The following SLC35F1 variants were observed in gnomAD, a reference collection of about 807,000 sequenced individuals.
The protein encoded by SLC35F1 is chromosome 6 open reading frame 169.
SLC35F1 carries 14 observed loss-of-function variants against 48.7 expected under a neutral mutation model. The observed-to-expected ratio is 0.29, with a 90% CI of 0.19 to 0.45. The LOEUF (loss-of-function observed/expected upper bound fraction) is 0.45. Ranked by LOEUF, SLC35F1 falls within the 20% of genes least tolerant of loss-of-function variation. SLC35F1 has a pLI of 1.00. For missense variants in SLC35F1, 404 were observed against 500.0 expected, an observed-to-expected ratio of 0.81 and a Z score of 1.83; for synonymous variants, 190 against 202.2, an observed-to-expected ratio of 0.94 and a Z score of 0.51.
intron 2 of SLC35F1, among the ~76,000 whole-genome samples, chr6:118,158,740 G>A (rs554194478): frequency 6.6e-6 from 1 of 152,272 alleles, no homozygotes; most frequent in African/African-American, 2.4e-5. Flanking sequence ...GAAGCAGCAG[G>A]CTCCACTGTA....
chr6:118,201,617 A>G (rs1774874639), intron 2 of SLC35F1, among the ~76,000 whole-genome samples: 1 of 152,246 alleles, frequency 6.6e-6, no homozygotes, highest in South Asian at 2.1e-4. Flanking sequence ...TAATGTCTTT[A>G]TGGAGATATA....
Position 117,907,793 on chromosome 6 carries a change from G to T in SLC35F1, c.67G>T (p.Val23Leu). The T allele has an allele frequency of 6.4e-7, 1 of 1,559,806 alleles. No individual in the cohort carries two copies. Among genetic ancestry groups the T allele is most frequent in the African/African-American group, 1.4e-5 (1 of 70,882 alleles). ...GTCGCCAGCCCCGCCGAACCATGTG[G>T]TGACCACCATCGAGAACCTGCCGGC... ...PPSPAPPNHV[V>L]TTIENLPAEG... Residue 23 changes from valine to leucine, a missense_variant, in exon 1 of 8, where the codon GTG (valine) becomes TTG (leucine). Transcript: ENST00000360388.
intron 1 of SLC35F1, among the ~76,000 whole-genome samples, chr6:118,004,062 T>C (rs576148898): frequency 2.0e-5 from 3 of 152,318 alleles, no homozygotes; most frequent in South Asian, 4.1e-4. Flanking sequence ...CACTAAGATA[T>C]TGTTATTATT....
chr6:118,112,927 A>G (rs1025060675), intron 1 of SLC35F1, among the ~76,000 whole-genome samples: 17 of 152,264 alleles, frequency 1.1e-4, no homozygotes, highest in African/African-American at 4.1e-4. Flanking sequence ...AAAGATGGAG[A>G]CTGTCAGAAT....
chr6:118,295,512 A>G (rs1428459047), intron 7 of SLC35F1, among the ~76,000 whole-genome samples: 5 of 152,202 alleles, frequency 3.3e-5, no homozygotes, highest in Non-Finnish European at 5.9e-5. Flanking sequence ...TTCATTAGAC[A>G]TGAATCAGAA....
At chr6:118,288,011 G>GTT (rs55797932) in intron 7 of SLC35F1, among the ~76,000 whole-genome samples, 4 of 145,290 alleles carry the variant, frequency 2.8e-5, no homozygotes, top group Non-Finnish European at 4.6e-5. Context: ...AATGATTTGG[G>GTT]TTTTTTTTTT....
chr6:118,078,724 C>A (rs1171693196), intron 1 of SLC35F1, among the ~76,000 whole-genome samples: 3 of 152,162 alleles, frequency 2.0e-5, no homozygotes, highest in African/African-American at 7.2e-5. Context: ...TACTCCTCCA[C>A]ACCAAGATGG....
At chr6:118,130,090 G>C (rs1355552373) in intron 1 of SLC35F1, among the ~76,000 whole-genome samples, 2 of 152,178 alleles carry the variant, frequency 1.3e-5, no homozygotes, top group Non-Finnish European at 2.9e-5. Flanking sequence ...TGGGCAGTTT[G>C]AGATATTTGT....
intron 3 of SLC35F1, among the ~76,000 whole-genome samples, chr6:118,259,420 AG>A (rs1775685144): frequency 6.6e-6 from 1 of 152,058 alleles, no homozygotes; most frequent in Non-Finnish European, 1.5e-5. Flanking sequence ...TATAGGCAGA[AG>A]CTCATATTTA....
At chr6:118,019,851 G>A (rs1777371787) in intron 1 of SLC35F1, among the ~76,000 whole-genome samples, 2 of 152,122 alleles carry the variant, frequency 1.3e-5, no homozygotes, top group Non-Finnish European at 2.9e-5. Context: ...TACCTTTCTA[G>A]TAGTTCTGTG....
intron 1 of SLC35F1, among the ~76,000 whole-genome samples, chr6:118,136,365 CA>C (rs1773795272): frequency 6.6e-6 from 1 of 152,302 alleles, no homozygotes; most frequent in South Asian, 2.1e-4. Flanking sequence ...TGAAACACTT[CA>C]CATAGGCTCA....
At chr6:117,910,725 T>C (rs2760239) in intron 1 of SLC35F1, among the ~76,000 whole-genome samples, 59,602 of 151,988 alleles carry the variant, frequency 0.39, 13,421 homozygotes, top group African/African-American at 0.62. Context: ...AAAGGGGTAA[T>C]GCTGAGACAC....
At chr6:118,104,013 A>G (rs1379979495) in intron 1 of SLC35F1, among the ~76,000 whole-genome samples, 2 of 152,292 alleles carry the variant, frequency 1.3e-5, no homozygotes, top group Admixed American at 1.3e-4. Flanking sequence ...CACAAGAATA[A>G]CCATGTAGCA....
rs573087105 is a variant in SLC35F1, at chr6:118,002,507, G to A, written c.173+94608G>A. On this transcript the variant is annotated intron_variant, in intron 1 of 7. Coordinates refer to ENST00000360388, the MANE Select transcript of SLC35F1 (RefSeq NM_001029858.4). ...GGAGATATACCTAATGTTAAATGAC[G>A]AGTTAATGGGTGCAGCACACCAGCA... Among the ~76,000 whole-genome samples the A allele has an allele frequency of 8.3e-3, 1,265 of 151,728 alleles. 24 individuals are homozygous for A. The highest frequency in any genetic ancestry group is 0.029 in the African/African-American group (1,201 of 41,300).
chr6:117,916,527 G>A (rs377687284), intron 1 of SLC35F1, among the ~76,000 whole-genome samples: 1 of 152,178 alleles, frequency 6.6e-6, no homozygotes, highest in East Asian at 1.9e-4. Flanking sequence ...CCTATAAGGT[G>A]ATGATGTGGA....
intron 1 of SLC35F1, among the ~76,000 whole-genome samples, 158 bp downstream of exon 1, chr6:117,908,057 G>A (rs1775716357): frequency 6.6e-6 from 1 of 152,192 alleles, no homozygotes; most frequent in Non-Finnish European, 1.5e-5. Context: ...CGCGGGCGCA[G>A]AGAGGCCGCG....
intron 1 of SLC35F1, among the ~76,000 whole-genome samples, chr6:117,983,142 C>T (rs536262473): frequency 1.6e-4 from 25 of 152,250 alleles, no homozygotes; most frequent in Admixed American, 1.6e-3. Context: ...TAATTTTTCC[C>T]TTTACTGCAC....
At chr6:118,006,795 CCT>C (rs985139940) in intron 1 of SLC35F1, among the ~76,000 whole-genome samples, 1 of 152,100 alleles carries the variant, frequency 6.6e-6, no homozygotes, top group African/African-American at 2.4e-5. Flanking sequence ...TACACACCCC[CCT>C]GAATTCACTC....
chr6:117,996,031 T>C (rs1776983483), intron 1 of SLC35F1, among the ~76,000 whole-genome samples: 2 of 152,218 alleles, frequency 1.3e-5, no homozygotes, highest in Admixed American at 6.5e-5. Context: ...ATAAGTGCTC[T>C]CCATGGCTGA....
Sources: allele counts gnomAD v4.1 joint callset (sites outside exome capture counted in the v4.1 genomes callset), GRCh38; gene constraint gnomAD v4.1.1; transcripts MANE v1.5; gene names NCBI Gene and HGNC (gene_info 2026-07-23, HGNC 2026-07-21).